Variants in ACTR3C observed in about 807,000 individuals in gnomAD.
ACTR3C encodes the protein actin related protein 3C.
In ACTR3C, 18 loss-of-function variants were observed where a neutral mutation model predicts 26.3. That is an observed-to-expected ratio of 0.68 (90% confidence interval 0.47 to 1.01). ACTR3C has a LOEUF of 1.01. Among genes scored for constraint, ACTR3C ranks in the 50% least tolerant of loss-of-function variants. The probability of loss-of-function intolerance (pLI) is 0.00; values close to 1 mark genes in which losing one functional copy is unlikely to be tolerated. For synonymous variants in ACTR3C, 55 were observed against 94.5 expected, an observed-to-expected ratio of 0.58 and a Z score of 2.42; for missense variants, 184 against 250.7, an observed-to-expected ratio of 0.73 and a Z score of 1.80.
chr7:150,042,382 A>G, the ACTR3C span, among the ~76,000 whole-genome samples: 122 of 70,526 alleles, frequency 1.7e-3, 2 homozygotes, highest in East Asian at 0.023. Flanking sequence ...CTAAGAGCAA[A>G]GGGGGGAAGA....
the ACTR3C span, among the ~76,000 whole-genome samples, chr7:150,211,793 T>C: frequency 2.0e-5 from 3 of 151,448 alleles, no homozygotes; most frequent in Non-Finnish European, 4.4e-5. Flanking sequence ...CAGTAAACCA[T>C]CCGCCACTGG....
At chr7:150,250,666 A>C (rs1450979168) in intron 6 of ACTR3C, among the ~76,000 whole-genome samples, 2 of 151,998 alleles carry the variant, frequency 1.3e-5, no homozygotes, top group African/African-American at 4.8e-5. Context: ...TGGTAGTTTC[A>C]ATACAGAGCC....
chr7:149,960,442 A>G, the ACTR3C span, among the ~76,000 whole-genome samples: 981 of 152,336 alleles, frequency 6.4e-3, 9 homozygotes, highest in African/African-American at 0.022. Context: ...AAAAAAATGC[A>G]TACTACAAAC....
the ACTR3C span, among the ~76,000 whole-genome samples, chr7:149,995,832 G>C: frequency 2.0e-5 from 3 of 152,264 alleles, no homozygotes; most frequent in Non-Finnish European, 4.4e-5. Flanking sequence ...CACGCTGCAC[G>C]GTCACGGGGA....
chr7:150,196,173 C>T, the ACTR3C span, among the ~76,000 whole-genome samples: 1 of 152,178 alleles, frequency 6.6e-6, no homozygotes, highest in Admixed American at 6.5e-5. Flanking sequence ...CTAATTAATT[C>T]TTAGCCAATA....
the ACTR3C span, among the ~76,000 whole-genome samples, chr7:150,179,088 C>A: frequency 1.4e-5 from 2 of 146,860 alleles, no homozygotes; most frequent in East Asian, 1.9e-4. Flanking sequence ...CTTTTTTTCC[C>A]AAACCCGTCT....
the ACTR3C span, among the ~76,000 whole-genome samples, chr7:150,160,845 A>T: frequency 1.3e-5 from 2 of 150,134 alleles, no homozygotes; most frequent in African/African-American, 4.9e-5. Context: ...CAATGAATTA[A>T]TGTATGATTT....
the ACTR3C span, among the ~76,000 whole-genome samples, chr7:149,968,008 T>C: frequency 6.6e-6 from 1 of 152,198 alleles, no homozygotes; most frequent in Non-Finnish European, 1.5e-5. Flanking sequence ...CAGGACGGCA[T>C]ATTCTGCAGC....
At chr7:149,957,209 T>G in the ACTR3C span, among the ~76,000 whole-genome samples, 3,254 of 151,960 alleles carry the variant, frequency 0.021, 46 homozygotes, top group Non-Finnish European at 0.033. Context: ...TCACCGGACT[T>G]CTTAGGCTAT....
the ACTR3C span, among the ~76,000 whole-genome samples, chr7:150,044,593 T>C: frequency 2.6e-5 from 4 of 152,354 alleles, no homozygotes; most frequent in Non-Finnish European, 5.9e-5. Context: ...ATTCTAGCCA[T>C]TCTATCTCCG....
the ACTR3C span, among the ~76,000 whole-genome samples, chr7:150,042,331 C>G: frequency 8.9e-6 from 1 of 111,940 alleles, no homozygotes; most frequent in East Asian, 2.6e-4. Context: ...CTCTCAGTCC[C>G]TGCCTCGCGG....
At chr7:150,217,058 A>G in the ACTR3C span, among the ~76,000 whole-genome samples, 6 of 147,350 alleles carry the variant, frequency 4.1e-5, no homozygotes, top group Non-Finnish European at 7.4e-5. Context: ...AAGGGTTTTA[A>G]AGTGAAGTCG....
chr7:150,028,550 C>A, the ACTR3C span, among the ~76,000 whole-genome samples: 1 of 152,308 alleles, frequency 6.6e-6, no homozygotes, highest in Non-Finnish European at 1.5e-5. Context: ...AGACCTAAGA[C>A]CCGCCCGGCG....
chr7:150,308,146 G>A (rs1388695500), intron 1 of ACTR3C, among the ~76,000 whole-genome samples: 1 of 152,030 alleles, frequency 6.6e-6, no homozygotes, highest in Admixed American at 6.6e-5. Flanking sequence ...CTCCACCTTG[G>A]TGGCAAGTAC....
chr7:150,267,007 C>T (rs2129610571), intron 6 of ACTR3C, among the ~76,000 whole-genome samples: 1 of 152,340 alleles, frequency 6.6e-6, no homozygotes, highest in East Asian at 1.9e-4. Context: ...GAGAATAAAA[C>T]ATATTCAGCA....
chr7:149,944,500 G>A, the ACTR3C span, among the ~76,000 whole-genome samples: 1 of 151,714 alleles, frequency 6.6e-6, no homozygotes, highest in Non-Finnish European at 1.5e-5. Flanking sequence ...ACAGTCTTGG[G>A]AAGAGTCAGG....
intron 5 of ACTR3C, 132 bp from the exon 6 acceptor site, chr7:150,284,977 G>C: frequency 1.1e-6 from 1 of 889,732 alleles, no homozygotes; most frequent in Non-Finnish European, 1.6e-6. Context: ...TGGAATGAAG[G>C]ATATGTCAAA....
chr7:150,200,467 TAAAAC>T, the ACTR3C span, among the ~76,000 whole-genome samples: 1 of 151,916 alleles, frequency 6.6e-6, no homozygotes, highest in Non-Finnish European at 1.5e-5. Flanking sequence ...GAGCTAAAAA[TAAAAC>T]AAGCAAAAGA....
At chr7:150,176,011 G>A in the ACTR3C span, among the ~76,000 whole-genome samples, 2 of 150,318 alleles carry the variant, frequency 1.3e-5, no homozygotes, top group African/African-American at 2.5e-5. Context: ...CTCTCAGGTG[G>A]AACACGAATA....
Sources: gnomAD v4.1 joint callset for allele counts (sites outside exome capture counted in the v4.1 genomes callset) on GRCh38, gnomAD v4.1.1 for gene constraint, MANE v1.5 for transcripts, NCBI Gene and HGNC (gene_info 2026-07-23, HGNC 2026-07-21) for gene names.